CLSTN2: variants seen among roughly 807,000 people sequenced by gnomAD.
The protein encoded by CLSTN2 is calsyntenin-2.
CLSTN2 carries 48 observed loss-of-function variants against 101.2 expected under a neutral mutation model. That is an observed-to-expected ratio of 0.47 (90% CI 0.38 to 0.60). The LOEUF (loss-of-function observed/expected upper bound fraction) is 0.60. Ranked by LOEUF, CLSTN2 falls within the 20% of genes least tolerant of loss-of-function variation. The probability of loss-of-function intolerance (pLI) is 0.00; values close to 1 mark genes in which losing one functional copy is unlikely to be tolerated. For synonymous variants in CLSTN2, 481 were observed against 463.6 expected, an observed-to-expected ratio of 1.04 and a Z score of -0.48; for missense variants, 1,160 against 1,238.2, an observed-to-expected ratio of 0.94 and a Z score of 0.95.
chr3:140,074,297 A>G (rs997465973), intron 1 of CLSTN2, among the ~76,000 whole-genome samples: 2 of 150,268 alleles, frequency 1.3e-5, no homozygotes, highest in African/African-American at 4.9e-5. Flanking sequence ...GCCTCCCCCC[A>G]CCCCCCAACA....
intron 1 of CLSTN2, among the ~76,000 whole-genome samples, chr3:140,025,948 G>A (rs2007411874): frequency 2.0e-5 from 3 of 152,166 alleles, no homozygotes; most frequent in Admixed American, 6.5e-5. Flanking sequence ...AGGGCTCTGT[G>A]GTTGCTGCTG....
chr3:140,052,940 C>T (rs565761433), intron 1 of CLSTN2, among the ~76,000 whole-genome samples: 47 of 152,292 alleles, frequency 3.1e-4, no homozygotes, highest in Admixed American at 9.2e-4. Context: ...ATTGTTTCTC[C>T]CCCATGCAGG....
At chr3:140,383,285 T>C (rs1290784812) in intron 2 of CLSTN2, among the ~76,000 whole-genome samples, 1 of 152,188 alleles carries the variant, frequency 6.6e-6, no homozygotes, top group Non-Finnish European at 1.5e-5. Context: ...AGCACAGAGA[T>C]GTGGTCATAT....
rs1280752842 is a variant in CLSTN2 at position 140,429,333 on chromosome 3, T to C, written c.787+8059T>C. ...GAAATGCTGAGGATAAAAGCTGCAC[T>C]GGAGGGACCGTGGGAAGACAAAGGG... On this transcript the variant is annotated intron_variant, in intron 5 of 16. Coordinates refer to ENST00000458420, the MANE Select transcript of CLSTN2 (RefSeq NM_022131.3). Among the ~76,000 whole-genome samples the C allele has an allele frequency of 3.3e-5, 5 of 152,270 alleles. No homozygotes were observed. The East Asian group carries it at 9.7e-4, about 29-fold the overall frequency.
chr3:140,447,359 C>T lies in CLSTN2; in HGVS notation c.788-1160C>T, dbSNP rs886614224. Among the ~76,000 whole-genome samples the T allele has an allele frequency of 2.6e-5, 4 of 152,200 alleles. No homozygotes were observed. In the East Asian group the frequency reaches 5.8e-4, roughly 22 times the overall value. ...GTCTCAGACATGTGTCCTCCCAGAG[C>T]GTGGGATGCCCGCTGTGGGAGGCAA... On this transcript the variant is annotated intron_variant, in intron 5 of 16. Transcript: ENST00000458420.
At chr3:140,062,418 G>C (rs754989860) in intron 1 of CLSTN2, among the ~76,000 whole-genome samples, 1 of 152,136 alleles carries the variant, frequency 6.6e-6, no homozygotes, top group African/African-American at 2.4e-5. Flanking sequence ...AAGTATACAC[G>C]TGTGTGATGT....
intron 1 of CLSTN2, among the ~76,000 whole-genome samples, chr3:140,044,216 T>C (rs1338246191): frequency 6.6e-6 from 1 of 152,196 alleles, no homozygotes; most frequent in Non-Finnish European, 1.5e-5. Context: ...GAGCAGTGGT[T>C]TGTAGTTCTC....
At chr3:139,973,278 G>A (rs1394577216) in intron 1 of CLSTN2, among the ~76,000 whole-genome samples, 1 of 152,250 alleles carries the variant, frequency 6.6e-6, no homozygotes, top group Non-Finnish European at 1.5e-5. Flanking sequence ...TTCAAGGGAA[G>A]CATAATGTGG....
At chr3:140,180,079 G>A (rs2010385533) in intron 2 of CLSTN2, among the ~76,000 whole-genome samples, 1 of 152,238 alleles carries the variant, frequency 6.6e-6, no homozygotes, top group African/African-American at 2.4e-5. Context: ...TTCCAGGGCT[G>A]TTTGTTGTTT....
rs540736490 is a variant in CLSTN2, at chr3:140,419,756, TACGTGTATAC to T, written c.638-1354_638-1345del. Among the ~76,000 whole-genome samples the T allele has an allele frequency of 8.0e-4, 54 of 67,142 alleles. 8 individuals carry two copies. The South Asian group carries it at 0.018, about 22-fold the overall frequency. 44.0% of individuals were successfully genotyped at this position (67,142 alleles called of 152,430 possible). On this transcript the variant is annotated intron_variant, in intron 4 of 16. Transcript: ENST00000458420. ...ATGTATATACGTATATATACACATA[TACGTGTATAC>T]ACGTGTATACACGTATATACACGTA...
intron 1 of CLSTN2, among the ~76,000 whole-genome samples, chr3:140,173,033 C>A (rs143498470): frequency 6.6e-6 from 1 of 152,286 alleles, no homozygotes; most frequent in East Asian, 1.9e-4. Context: ...CAACAGTCCC[C>A]CAAAGTCTTA....
chr3:139,945,836 A>C (rs1208540948), intron 1 of CLSTN2, among the ~76,000 whole-genome samples: 1 of 152,224 alleles, frequency 6.6e-6, no homozygotes, highest in Non-Finnish European at 1.5e-5. Flanking sequence ...GAATTCTCCT[A>C]TAAAGTTAGT....
At position 140,576,527 on chromosome 3, in the gene CLSTN2, A is replaced by G. The variant is rs1413658193; in HGVS notation, c.*10274A>G. 6.6e-6 allele frequency: 1 copy of G among 152,214 alleles called. No individual in the cohort carries two copies. Among genetic ancestry groups the G allele is most frequent in the Non-Finnish European group, 1.5e-5 (1 of 68,056 alleles). 9.4% of individuals were successfully genotyped at this position (152,214 alleles called of 1,614,324 possible). A position where few individuals can be genotyped will look rare whatever the true frequency, so the allele number is the denominator to read the frequency against. On this transcript the variant is annotated 3_prime_UTR_variant, in exon 17 of 17. Transcript: ENST00000458420. ...TGTCTGGAGCTGCCACCGCCATTTA[A>G]AAGTGTTGGACGCTGTTTATTCCCA...
chr3:140,112,988 C>T (rs1025544966), intron 1 of CLSTN2, among the ~76,000 whole-genome samples: 23 of 152,138 alleles, frequency 1.5e-4, no homozygotes, highest in Non-Finnish European at 3.2e-4. Context: ...GAGGCCCTAA[C>T]ATGCCAGAAC....
At chr3:140,437,532 C>G (rs2088700881) in intron 5 of CLSTN2, among the ~76,000 whole-genome samples, 1 of 152,242 alleles carries the variant, frequency 6.6e-6, no homozygotes, top group Admixed American at 6.5e-5. Flanking sequence ...GGGTTTCTAA[C>G]AACCTCATCA....
chr3:140,396,469 G>A (rs2088184401), intron 2 of CLSTN2, among the ~76,000 whole-genome samples: 1 of 152,136 alleles, frequency 6.6e-6, no homozygotes, highest in African/African-American at 2.4e-5. Context: ...TATAATAACA[G>A]GGAAGAGAGC....
intron 2 of CLSTN2, among the ~76,000 whole-genome samples, chr3:140,225,486 T>TTTTGTTTG (rs60470942): frequency 0.033 from 5,018 of 150,868 alleles, 105 homozygotes; most frequent in South Asian, 0.073. Flanking sequence ...GCACTGACAT[T>TTTTGTTTG]TTTGTTTGTT....
chr3:140,160,980 C>A (rs1339479242), intron 1 of CLSTN2, among the ~76,000 whole-genome samples: 1 of 152,154 alleles, frequency 6.6e-6, no homozygotes, highest in Admixed American at 6.5e-5. Flanking sequence ...CAGATAATAA[C>A]AAGCAGTCAA....
intron 8 of CLSTN2, among the ~76,000 whole-genome samples, chr3:140,527,545 A>G (rs934052809): frequency 1.3e-5 from 2 of 152,236 alleles, no homozygotes; most frequent in Non-Finnish European, 2.9e-5. Flanking sequence ...CAGAATTACA[A>G]TTTGACCCAG....
Sources: allele counts gnomAD v4.1 joint callset (sites outside exome capture counted in the v4.1 genomes callset), GRCh38; gene constraint gnomAD v4.1.1; transcripts MANE v1.5; gene names NCBI Gene and HGNC (gene_info 2026-07-23, HGNC 2026-07-21).